CDH13: variants seen among roughly 807,000 people sequenced by gnomAD.
CDH13 encodes the protein cadherin 13, also known as cadherin-13.
Under a neutral mutation model 63.8 loss-of-function variants are expected in CDH13, and 24 were observed. The ratio of observed to expected loss-of-function variants is 0.38; its 90% CI spans 0.27 to 0.53. The LOEUF (loss-of-function observed/expected upper bound fraction) is 0.53, where lower values mean the gene tolerates loss of function less well. Among genes scored for constraint, CDH13 ranks in the 20% least tolerant of loss-of-function variants. The probability of loss-of-function intolerance (pLI) is 0.85; values close to 1 mark genes in which losing one functional copy is unlikely to be tolerated. For missense variants in CDH13, 1,049 were observed against 903.1 expected, an observed-to-expected ratio of 1.16 and a Z score of -2.07; for synonymous variants, 503 against 355.3, an observed-to-expected ratio of 1.42 and a Z score of -4.67.
chr16:82,684,073 G>C (rs772077953), intron 1 of CDH13, among the ~76,000 whole-genome samples: 4 of 152,196 alleles, frequency 2.6e-5, no homozygotes, highest in Non-Finnish European at 5.9e-5. Flanking sequence ...GATCAAGGAA[G>C]AATTCGTGAA....
chr16:82,627,015 C>G lies in CDH13; in HGVS notation c.-78C>G, dbSNP rs1436997565. ...GCGAGGCAGAGCCTCTCCTCAAAGC[C>G]TGGCTCCCACGGAAAATATGCTCAG... On this transcript the variant is annotated 5_prime_UTR_variant, in exon 1 of 14. Transcript: ENST00000567109. The G allele has an allele frequency of 2.0e-6, 3 of 1,522,102 alleles. No homozygotes were observed. In the Admixed American group the frequency reaches 5.9e-5, roughly 30 times the overall value. 94.3% of individuals were successfully genotyped at this position (1,522,102 alleles called of 1,614,324 possible). A position where few individuals can be genotyped will look rare whatever the true frequency, so the allele number is the denominator to read the frequency against.
At chr16:82,639,330 C>G (rs891297288) in intron 1 of CDH13, 42 of 1,487,664 alleles carry the variant, frequency 2.8e-5, no homozygotes, top group Non-Finnish European at 3.6e-5. Context: ...CATTTGTGTT[C>G]TTTGTCTCCA....
At chr16:83,207,138 G>T (rs1006865966) in intron 4 of CDH13, among the ~76,000 whole-genome samples, 4 of 152,138 alleles carry the variant, frequency 2.6e-5, no homozygotes, top group African/African-American at 9.7e-5. Flanking sequence ...ACATGGCAGT[G>T]GCATTAAGTA....
At chr16:82,912,230 A>ATATGTTGCTTTCACACATCT (rs6145918) in intron 2 of CDH13, among the ~76,000 whole-genome samples, 1 of 151,866 alleles carries the variant, frequency 6.6e-6, no homozygotes, top group Non-Finnish European at 1.5e-5. Flanking sequence ...CTGCATGTTA[A>ATATGTTGCTTTCACACATCT]TATTTTCTTA....
chr16:83,074,842 C>T (rs139883311), intron 3 of CDH13, among the ~76,000 whole-genome samples: 2 of 152,304 alleles, frequency 1.3e-5, no homozygotes, highest in Non-Finnish European at 2.9e-5. Flanking sequence ...TCTTCTGATT[C>T]CAGACATCAC....
At chr16:83,096,311 A>C (rs2034189433) in intron 3 of CDH13, among the ~76,000 whole-genome samples, 2 of 152,172 alleles carry the variant, frequency 1.3e-5, no homozygotes, top group Non-Finnish European at 2.9e-5. Flanking sequence ...CCAGAAACCA[A>C]ATAGGAATAT....
At chr16:82,796,948 C>A (rs2036611012) in intron 1 of CDH13, among the ~76,000 whole-genome samples, 2 of 152,208 alleles carry the variant, frequency 1.3e-5, no homozygotes, top group Non-Finnish European at 1.5e-5. Context: ...TTGCTCCTTA[C>A]AACTAGACTG....
At chr16:82,969,204 G>C (rs1453888046) in intron 2 of CDH13, among the ~76,000 whole-genome samples, 1 of 152,182 alleles carries the variant, frequency 6.6e-6, no homozygotes, top group Non-Finnish European at 1.5e-5. Context: ...AAACTTTCCT[G>C]CAAAGGGCCA....
At chr16:82,647,725 T>C (rs1292123992) in intron 1 of CDH13, among the ~76,000 whole-genome samples, 1 of 152,088 alleles carries the variant, frequency 6.6e-6, no homozygotes, top group African/African-American at 2.4e-5. Flanking sequence ...GGTGTAGATA[T>C]TTGCAGTTGG....
At chr16:83,713,854 T>A (rs1288532919) in intron 10 of CDH13, among the ~76,000 whole-genome samples, 1 of 152,198 alleles carries the variant, frequency 6.6e-6, no homozygotes, top group Non-Finnish European at 1.5e-5. Context: ...TCTCTCTCCC[T>A]CTTGACTGCC....
At chr16:82,852,366 C>T (rs1185637318) in intron 1 of CDH13, among the ~76,000 whole-genome samples, 1 of 152,190 alleles carries the variant, frequency 6.6e-6, no homozygotes, top group Non-Finnish European at 1.5e-5. Flanking sequence ...GGGCGGTTCT[C>T]CCGAGTAACT....
chr16:82,838,069 C>T lies in CDH13; in HGVS notation c.46-20293C>T, dbSNP rs141614616. Among the ~76,000 whole-genome samples, 241 of 152,326 alleles carry T rather than the reference C, an allele frequency of 1.6e-3. 1 individual carries two copies. Among genetic ancestry groups the T allele is most frequent in the Middle Eastern group, 0.01 (3 of 294 alleles). On this transcript the variant is annotated intron_variant, in intron 1 of 13. Transcript: ENST00000567109. ...CAACCTGACATTCCTCCCATCACCCCGCAGATCCTGGCCCCAAAGCCTTAC... is the reference window on the plus strand; with the variant it reads ...CAACCTGACATTCCTCCCATCACCCTGCAGATCCTGGCCCCAAAGCCTTAC...
intron 6 of CDH13, among the ~76,000 whole-genome samples, chr16:83,422,051 G>T (rs1321513328): frequency 6.6e-6 from 1 of 152,016 alleles, no homozygotes; most frequent in African/African-American, 2.4e-5. Flanking sequence ...TATTCATGTT[G>T]GTCTCAGTTT....
intron 3 of CDH13, among the ~76,000 whole-genome samples, chr16:83,053,978 A>G (rs7197235): frequency 0.099 from 15,081 of 152,212 alleles, 993 homozygotes; most frequent in African/African-American, 0.18. Flanking sequence ...TTATAATACC[A>G]TATTTTTACT....
chr16:82,982,816 A>C (rs8063602), intron 2 of CDH13, among the ~76,000 whole-genome samples: 68,395 of 151,916 alleles, frequency 0.45, 15,588 homozygotes, highest in Admixed American at 0.5. Context: ...TATTCCCTCC[A>C]TTTCCCAGTA....
intron 2 of CDH13, among the ~76,000 whole-genome samples, chr16:82,886,233 A>G (rs1197283044): frequency 1.3e-5 from 2 of 152,234 alleles, no homozygotes; most frequent in African/African-American, 4.8e-5. Context: ...GCTGCAGTGA[A>G]CATCCTTATT....
chr16:82,908,418 G>A (rs903082786), intron 2 of CDH13, among the ~76,000 whole-genome samples: 3 of 152,072 alleles, frequency 2.0e-5, no homozygotes, highest in Non-Finnish European at 4.4e-5. Flanking sequence ...GGTCAAAAGC[G>A]GTCTCAGTTA....
chr16:83,172,316 C>T (rs984093597), intron 4 of CDH13, among the ~76,000 whole-genome samples: 1 of 151,994 alleles, frequency 6.6e-6, no homozygotes, highest in African/African-American at 2.4e-5. Context: ...TAGTGAAACC[C>T]CGTCTCTACT....
At chr16:82,765,709 A>G (rs1268556180) in intron 1 of CDH13, among the ~76,000 whole-genome samples, 1 of 152,192 alleles carries the variant, frequency 6.6e-6, no homozygotes, top group Non-Finnish European at 1.5e-5. Flanking sequence ...GGTGTTAAAC[A>G]TACCTCTGAA....
Sources: allele counts gnomAD v4.1 joint callset (sites outside exome capture counted in the v4.1 genomes callset), GRCh38; gene constraint gnomAD v4.1.1; transcripts MANE v1.5; gene names NCBI Gene and HGNC (gene_info 2026-07-23, HGNC 2026-07-21).